Variants in CDH13 observed in about 807,000 individuals in gnomAD.
CDH13 encodes cadherin 13.
CDH13 carries 24 observed loss-of-function variants against 63.8 expected under a neutral mutation model. The observed-to-expected ratio is 0.38, with a 90% CI of 0.27 to 0.53. The LOEUF is 0.53. Among genes scored for constraint, CDH13 ranks in the 20% least tolerant of loss-of-function variants. The pLI is 0.85. For missense variants in CDH13, 1,049 were observed against 903.1 expected, an observed-to-expected ratio of 1.16 and a Z score of -2.07; for synonymous variants, 503 against 355.3, an observed-to-expected ratio of 1.42 and a Z score of -4.67.
chr16:82,945,514 A>G (rs539700168), intron 2 of CDH13, among the ~76,000 whole-genome samples: 6 of 152,316 alleles, frequency 3.9e-5, no homozygotes, highest in African/African-American at 1.4e-4. Flanking sequence ...AGGATGGAAG[A>G]ACAATAACAA....
intron 5 of CDH13, among the ~76,000 whole-genome samples, chr16:83,276,385 T>C (rs766877373): frequency 2.6e-5 from 4 of 152,148 alleles, no homozygotes; most frequent in Non-Finnish European, 4.4e-5. Context: ...GTGTTTCCCA[T>C]ATGACTTGCA....
intron 1 of CDH13, among the ~76,000 whole-genome samples, chr16:82,790,388 T>A (rs2036241749): frequency 6.6e-6 from 1 of 152,036 alleles, no homozygotes; most frequent in African/African-American, 2.4e-5. Flanking sequence ...TGAGCCAAGA[T>A]CGCACCACTG....
chr16:82,965,928 A>G (rs1378505694), intron 2 of CDH13, among the ~76,000 whole-genome samples: 4 of 152,226 alleles, frequency 2.6e-5, no homozygotes, highest in Non-Finnish European at 5.9e-5. Flanking sequence ...ATAGCTGCCC[A>G]GTGGAGAAAA....
At chr16:83,158,688 C>T (rs1354044367) in intron 4 of CDH13, among the ~76,000 whole-genome samples, 1 of 152,238 alleles carries the variant, frequency 6.6e-6, no homozygotes, top group Non-Finnish European at 1.5e-5. Flanking sequence ...ACACTCAGTC[C>T]CTGCCTGGTG....
Position 83,136,174 on chromosome 16 carries a change from TAAA to T in CDH13, c.483+10686_483+10688del, listed in dbSNP as rs11284544. ...CTGTACCCCAACAACCTATAGAAAT[TAAA>T]AAAAAAAAAAAAGAAATAGACTTTG... On this transcript the variant is annotated intron_variant, in intron 4 of 13. Coordinates refer to ENST00000567109, the MANE Select transcript of CDH13 (RefSeq NM_001257.5). Among the ~76,000 whole-genome samples, 113 of 139,660 alleles carry T rather than the reference TAAA, an allele frequency of 8.1e-4. 2 individuals are homozygous for T. Among genetic ancestry groups the T allele is most frequent in the African/African-American group, 2.9e-3 (112 of 38,428 alleles). 91.6% of individuals were successfully genotyped at this position (139,660 alleles called of 152,430 possible).
intron 5 of CDH13, among the ~76,000 whole-genome samples, chr16:83,302,233 C>G (rs887585608): frequency 6.6e-6 from 1 of 152,162 alleles, no homozygotes; most frequent in Non-Finnish European, 1.5e-5. Context: ...ATTTTAAGCC[C>G]CGCTTTTACT....
intron 5 of CDH13, among the ~76,000 whole-genome samples, chr16:83,224,659 C>T (rs2039792008): frequency 1.3e-5 from 2 of 152,208 alleles, no homozygotes; most frequent in Non-Finnish European, 1.5e-5. Context: ...TATGAAATTG[C>T]CATTCTTACA....
chr16:83,379,666 G>A (rs2091520661), intron 6 of CDH13, among the ~76,000 whole-genome samples: 1 of 152,024 alleles, frequency 6.6e-6, no homozygotes, highest in Non-Finnish European at 1.5e-5. Context: ...CAACAGACTT[G>A]AAGAAGAAAA....
At chr16:83,444,276 T>A (rs1389624383) in intron 6 of CDH13, among the ~76,000 whole-genome samples, 1 of 152,162 alleles carries the variant, frequency 6.6e-6, no homozygotes, top group Non-Finnish European at 1.5e-5. Flanking sequence ...ATTGAACCCT[T>A]GCTAGGTAAC....
At chr16:83,788,497 G>C (rs776652486) in intron 13 of CDH13, among the ~76,000 whole-genome samples, 2 of 150,968 alleles carry the variant, frequency 1.3e-5, no homozygotes, top group Middle Eastern at 3.2e-3. Context: ...AAAAAGACTT[G>C]GCAGTATTTT....
In CDH13 at chr16:82,789,248, T is replaced by C. The variant is rs369754807; in HGVS notation, c.46-69114T>C. ...CAGAAACTAGAGAAGTCACGAAGAG[T>C]AGGTGTTCCTCAGGTTAATTACACA... is the stretch of plus-strand genomic sequence containing the variant. On this transcript the variant is annotated intron_variant, in intron 1 of 13. Transcript: ENST00000567109. 2.6e-5 allele frequency among the ~76,000 whole-genome samples: 4 copies of C among 152,228 alleles called. No individual in the cohort carries two copies. The East Asian group carries it at 7.7e-4, about 29-fold the overall frequency.
intron 7 of CDH13, among the ~76,000 whole-genome samples, chr16:83,572,148 T>G (rs1904685180): frequency 6.6e-6 from 1 of 151,104 alleles, no homozygotes; most frequent in South Asian, 2.1e-4. Flanking sequence ...AATTGATAAC[T>G]AGGTATTTTT....
chr16:82,758,833 T>C (rs1174625646), intron 1 of CDH13, among the ~76,000 whole-genome samples: 1 of 152,202 alleles, frequency 6.6e-6, no homozygotes, highest in African/African-American at 2.4e-5. Context: ...TGTGTAACCA[T>C]TGTTTGAGTT....
intron 5 of CDH13, among the ~76,000 whole-genome samples, chr16:83,331,761 C>G (rs188023085): frequency 6.6e-6 from 1 of 152,166 alleles, no homozygotes; most frequent in Admixed American, 6.6e-5. Flanking sequence ...AACATGCATA[C>G]TATACCATTA....
At chr16:83,496,513 G>C (rs1296740457) in intron 7 of CDH13, among the ~76,000 whole-genome samples, 3 of 151,876 alleles carry the variant, frequency 2.0e-5, no homozygotes, top group African/African-American at 7.3e-5. Flanking sequence ...ATCAATTCAA[G>C]ATGGATTAAA....
intron 1 of CDH13, among the ~76,000 whole-genome samples, chr16:82,665,872 G>A (rs1597261260): frequency 6.6e-6 from 1 of 152,118 alleles, no homozygotes; most frequent in Admixed American, 6.5e-5. Flanking sequence ...TTATAATGAA[G>A]TGTTGACTGT....
At chr16:83,731,377 T>A (rs574836080) in intron 10 of CDH13, among the ~76,000 whole-genome samples, 183 of 152,336 alleles carry the variant, frequency 1.2e-3, no homozygotes, top group Non-Finnish European at 2.2e-3. Context: ...TGAGATGGTA[T>A]CTCATTGTGG....
chr16:83,629,518 A>G (rs958252988), intron 8 of CDH13, among the ~76,000 whole-genome samples: 16 of 152,206 alleles, frequency 1.1e-4, no homozygotes, highest in Non-Finnish European at 4.4e-5. Flanking sequence ...CCATCTCTCC[A>G]CTTTATTAAA....
intron 6 of CDH13, among the ~76,000 whole-genome samples, chr16:83,467,100 C>G (rs1210502897): frequency 6.6e-6 from 1 of 152,132 alleles, no homozygotes; most frequent in Non-Finnish European, 1.5e-5. Context: ...CTTCTCGATA[C>G]AAGAAAGCAA....
Sources: gnomAD v4.1 joint callset for allele counts (sites outside exome capture counted in the v4.1 genomes callset) on GRCh38, gnomAD v4.1.1 for gene constraint, MANE v1.5 for transcripts, NCBI Gene and HGNC (gene_info 2026-07-23, HGNC 2026-07-21) for gene names.